Variants in MAGEB16 observed in about 807,000 individuals in gnomAD.
MAGEB16 encodes the protein melanoma-associated antigen B16.
For synonymous variants in MAGEB16, 95 were observed against 92.1 expected, an observed-to-expected ratio of 1.03 and a Z score of -0.18; for missense variants, 217 against 234.0, an observed-to-expected ratio of 0.93 and a Z score of 0.47.
exon 2 of MAGEB16, chrX:35,803,089 A>C (rs1399908509): frequency 8.3e-7 from 1 of 1,209,677 alleles, no homozygotes; most frequent in Admixed American, 2.2e-5. Context: ...GCCAAAGTTC[A>C]TGGGTCTTAC....
chrX:35,800,752 T>A (rs931280558), intron 1 of MAGEB16, among the ~76,000 whole-genome samples: 1 of 111,284 alleles, frequency 9.0e-6, no homozygotes, highest in Non-Finnish European at 1.9e-5. Flanking sequence ...GGAAGTGATA[T>A]CAGGTCCCAG....
At chrX:35,798,710 C>T (rs1297268135) in intron 1 of MAGEB16, 5 of 111,889 alleles carry the variant, frequency 4.5e-5, no homozygotes, top group African/African-American at 1.3e-4. Flanking sequence ...GTTTGTCAGC[C>T]CTGCAAGGCT....
chrX:35,800,662 G>T, intron 1 of MAGEB16: 1 of 510,645 alleles, frequency 2.0e-6, no homozygotes, highest in Non-Finnish European at 3.6e-6. Flanking sequence ...GTTGTGGGAG[G>T]CTCTGGGCAG....
chrX:35,799,896 C>T (rs1335118907), intron 1 of MAGEB16, among the ~76,000 whole-genome samples: 1 of 111,885 alleles, frequency 8.9e-6, no homozygotes, highest in African/African-American at 3.3e-5. Flanking sequence ...AACTTCATGT[C>T]ATCCTTTTTG....
downstream of MAGEB16, chrX:35,803,771 G>T (rs1934888695): frequency 8.4e-6 from 1 of 119,568 alleles, no homozygotes; most frequent in Admixed American, 9.5e-5. Flanking sequence ...GATAAAAGAT[G>T]ATCAATGTAT....
intron 1 of MAGEB16, 75 bp from the exon 2 acceptor site, chrX:35,802,056 G>T: frequency 1.4e-6 from 1 of 696,015 alleles, no homozygotes; most frequent in Non-Finnish European, 2.1e-6. Context: ...AAGTCTATAG[G>T]CAGTGGCTTC....
chrX:35,802,313 C>T lies in MAGEB16; in HGVS notation c.117C>T (p.Leu39=), dbSNP rs202175555. Residue 39 remains leucine (L), a synonymous_variant, in exon 2 of 2, where the codon CTC becomes CTT. Transcript: ENST00000399988. Reference sequence around the variant, plus strand: ...CCAAGGCTCTGGAGAAGACCCTCCTCTCCTCCTCCCATCCTCTAGTGCCTG... The same window carrying T: ...CCAAGGCTCTGGAGAAGACCCTCCTTTCCTCCTCCCATCCTCTAGTGCCTG... The T allele has an allele frequency of 3.3e-6, 4 of 1,210,519 alleles. 1 individual carries two copies. Among genetic ancestry groups the T allele is most frequent in the Non-Finnish European group, 4.5e-6 (4 of 894,942 alleles).
At chrX:35,801,935 T>C (rs1484103395) in intron 1 of MAGEB16, among the ~76,000 whole-genome samples, 196 bp from the exon 2 acceptor site, 2 of 112,315 alleles carry the variant, frequency 1.8e-5, no homozygotes, top group African/African-American at 6.5e-5. Flanking sequence ...AATTCTCACG[T>C]TGGGTTGGCT....
At chrX:35,799,031 C>G (rs905633910) in intron 1 of MAGEB16, among the ~76,000 whole-genome samples, 1 of 103,621 alleles carries the variant, frequency 9.7e-6, no homozygotes, top group Non-Finnish European at 1.9e-5. Context: ...CCACCATGCG[C>G]GGCTAATTTT....
chrX:35,802,267 G>A (rs1934868831), exon 2 of MAGEB16: 2 of 1,211,343 alleles, frequency 1.7e-6, no homozygotes, highest in South Asian at 1.8e-5. Context: ...GAGACCCAGA[G>A]CCTGGAGGTT....
exon 2 of MAGEB16, chrX:35,802,533 C>A (rs1038771930): frequency 8.3e-7 from 1 of 1,209,967 alleles, no homozygotes; most frequent in Non-Finnish European, 1.1e-6. Flanking sequence ...CGCAGATGCT[C>A]TCGACCAGAA....
intron 1 of MAGEB16, among the ~76,000 whole-genome samples, chrX:35,801,099 G>A (rs1365535257): frequency 8.9e-6 from 1 of 111,747 alleles, no homozygotes; most frequent in Non-Finnish European, 1.9e-5. Flanking sequence ...TTTCTGTCAT[G>A]TGAGGTTCTT....
exon 2 of MAGEB16, chrX:35,802,689 A>C: frequency 8.3e-7 from 1 of 1,211,451 alleles, no homozygotes; most frequent in Non-Finnish European, 1.1e-6. Context: ...CCTAGAGATG[A>C]TATTTGGCCT....
At chrX:35,799,019 C>T (rs949782174) in intron 1 of MAGEB16, among the ~76,000 whole-genome samples, 4 of 108,537 alleles carry the variant, frequency 3.7e-5, no homozygotes, top group African/African-American at 1.4e-4. Context: ...TACAGGTGCC[C>T]GCCACCATGC....
exon 2 of MAGEB16, chrX:35,802,891 C>T (rs774566572): frequency 1.7e-5 from 21 of 1,211,664 alleles, no homozygotes; most frequent in Admixed American, 2.2e-5. Flanking sequence ...CTGAATTTGA[C>T]GGGAGTATAT....
At chrX:35,803,103 C>T in exon 2 of MAGEB16, 1 of 1,206,254 alleles carries the variant, frequency 8.3e-7, no homozygotes, top group Non-Finnish European at 1.1e-6. Flanking sequence ...GTCTTACCCA[C>T]ATTCTTTCCC....
At chrX:35,802,037 T>A (rs1432162407) in intron 1 of MAGEB16, 94 bp from the exon 2 acceptor site, 1 of 553,638 alleles carries the variant, frequency 1.8e-6, no homozygotes, top group East Asian at 3.6e-5. Context: ...ATAACACTGC[T>A]GTCAGGAGAA....
chrX:35,803,118 C>T lies in MAGEB16; in HGVS notation c.922C>T (p.Gln308Ter), dbSNP rs1214799673. 1 of 1,204,014 alleles carries T rather than the reference C, an allele frequency of 8.3e-7. No homozygotes were observed. Among genetic ancestry groups the T allele is most frequent in the Non-Finnish European group, 1.1e-6 (1 of 891,163 alleles). ...GTCTTACCCACATTCTTTCCCATCT[C>T]AGTATGCGGAAGCTCTGAAAGAGGA... is the stretch of plus-strand genomic sequence containing the variant. Residue 308 changes from glutamine to a stop codon, truncating the protein, a stop_gained, in exon 2 of 2, where the codon CAG (glutamine) becomes TAG (stop). Transcript: ENST00000399988. LOFTEE classifies it low-confidence loss of function (END_TRUNC).
intron 1 of MAGEB16, chrX:35,798,858 G>A (rs1169301543): frequency 9.0e-6 from 1 of 110,779 alleles, no homozygotes; most frequent in African/African-American, 3.3e-5. Context: ...TCCAGGTGAG[G>A]ACCCTGAGTT....
Sources: gnomAD v4.1 joint callset for allele counts (sites outside exome capture counted in the v4.1 genomes callset) on GRCh38, gnomAD v4.1.1 for gene constraint, MANE v1.5 for transcripts, NCBI Gene and HGNC (gene_info 2026-07-23, HGNC 2026-07-21) for gene names.